The following FIP1L1 variants were observed in gnomAD, a reference collection of about 807,000 sequenced individuals.
FIP1L1 encodes pre-mRNA 3'-end-processing factor FIP1.
In FIP1L1, 21 loss-of-function variants were observed where a neutral mutation model predicts 84.6. The observed-to-expected ratio is 0.25, with a 90% CI of 0.18 to 0.36. The LOEUF is 0.36. Among genes scored for constraint, FIP1L1 ranks in the 10% least tolerant of loss-of-function variants. FIP1L1 has a pLI of 1.00. For synonymous variants in FIP1L1, 263 were observed against 242.3 expected, an observed-to-expected ratio of 1.09 and a Z score of -0.80; for missense variants, 526 against 751.1, an observed-to-expected ratio of 0.70 and a Z score of 3.50.
At chr4:53,428,732 G>C (rs1297996522) in intron 13 of FIP1L1, among the ~76,000 whole-genome samples, 2 of 152,194 alleles carry the variant, frequency 1.3e-5, no homozygotes, top group African/African-American at 4.8e-5. Flanking sequence ...AGTGGTGATA[G>C]AGAAGAAACT....
At chr4:53,449,480 T>C (rs756301061) in intron 15 of FIP1L1, among the ~76,000 whole-genome samples, 1 of 152,170 alleles carries the variant, frequency 6.6e-6, no homozygotes, top group African/African-American at 2.4e-5. Flanking sequence ...TGCCCATGAT[T>C]GATTATCTTT....
chr4:53,392,372 GT>G (rs1396602570), intron 9 of FIP1L1, among the ~76,000 whole-genome samples: 1 of 152,110 alleles, frequency 6.6e-6, no homozygotes, highest in Non-Finnish European at 1.5e-5. Context: ...TGCAGTGTGT[GT>G]GCTATGTCTG....
At chr4:53,418,923 G>T (rs1163385919) in intron 11 of FIP1L1, among the ~76,000 whole-genome samples, 2 of 152,174 alleles carry the variant, frequency 1.3e-5, no homozygotes, top group Non-Finnish European at 2.9e-5. Context: ...GTACTGAAAA[G>T]ATGTGCCCAT....
At chr4:53,442,776 A>G in intron 14 of FIP1L1, 69 bp downstream of exon 14, 1 of 816,124 alleles carries the variant, frequency 1.2e-6, no homozygotes, top group Non-Finnish European at 2.0e-6. Flanking sequence ...ATACTTGGAA[A>G]TATTTTCAGA....
chr4:53,426,102 C>A lies in FIP1L1; in HGVS notation c.1017+137C>A, dbSNP rs372595016. The A allele has an allele frequency of 6.8e-5, 33 of 484,068 alleles. 1 individual carries two copies. The East Asian group carries it at 8.5e-4, about 12-fold the overall frequency. The allele number at this position is 484,068 out of a possible 1,614,324, so 30.0% of individuals were successfully genotyped here. A position where few individuals can be genotyped will look rare whatever the true frequency, so the allele number is the denominator to read the frequency against. On this transcript the variant is annotated intron_variant, in intron 12 of 17. Coordinates refer to ENST00000337488, the MANE Select transcript of FIP1L1 (RefSeq NM_030917.4). ...AAGAGATTTAAAATGTGAAGCCAGT[C>A]ATTTATTATAAAGGCATTTCCAGTT...
intron 11 of FIP1L1, among the ~76,000 whole-genome samples, chr4:53,420,197 C>CAAAAAAAA (rs1166566869): frequency 5.7e-5 from 1 of 17,546 alleles, no homozygotes; most frequent in African/African-American, 3.3e-4. Flanking sequence ...GACTCCGTCT[C>CAAAAAAAA]AAAAAAAAAA....
intron 10 of FIP1L1, among the ~76,000 whole-genome samples, chr4:53,406,151 T>A (rs1482066752): frequency 6.6e-6 from 1 of 152,240 alleles, no homozygotes; most frequent in Non-Finnish European, 1.5e-5. Flanking sequence ...GGGTTTGTTA[T>A]AGATAGCTCT....
At position 53,383,798 on chromosome 4, in the gene FIP1L1, G is replaced by T; in HGVS notation, c.254G>T (p.Ser85Ile). ...KPKVTETEDDSDSDSDDDEDD... is the reference protein window; with the variant it reads ...KPKVTETEDDIDSDSDDDEDD... ...AAAGTGACTGAGACCGAAGATGATAGTGATAGTGACAGCGATGATGATGAA... is the reference window on the plus strand; with the variant it reads ...AAAGTGACTGAGACCGAAGATGATATTGATAGTGACAGCGATGATGATGAA... Residue 85 changes from serine to isoleucine, a missense_variant, in exon 5 of 18, where the codon AGT (serine) becomes ATT (isoleucine). Coordinates refer to ENST00000337488, the MANE Select transcript of FIP1L1 (RefSeq NM_030917.4). 4.3e-6 allele frequency: 7 copies of T among 1,611,136 alleles called. No homozygotes were observed. Among genetic ancestry groups the T allele is most frequent in the Non-Finnish European group, 5.9e-6 (7 of 1,177,500 alleles).
intron 15 of FIP1L1, among the ~76,000 whole-genome samples, chr4:53,446,329 G>A (rs1774192450): frequency 6.6e-6 from 1 of 151,996 alleles, no homozygotes; most frequent in Admixed American, 6.6e-5. Flanking sequence ...TTTTAATGTG[G>A]AGTTCATTGA....
intron 15 of FIP1L1, among the ~76,000 whole-genome samples, chr4:53,445,263 A>T (rs1312067565): frequency 6.6e-6 from 1 of 152,090 alleles, no homozygotes; most frequent in Non-Finnish European, 1.5e-5. Context: ...GCTAGTTACG[A>T]TGAGGAAGTT....
intron 15 of FIP1L1, among the ~76,000 whole-genome samples, chr4:53,451,745 A>T (rs1716116705): frequency 6.6e-6 from 1 of 151,880 alleles, no homozygotes; most frequent in South Asian, 2.1e-4. Context: ...TTCTTTTTTA[A>T]AAAAAACTCT....
chr4:53,389,779 T>C, intron 5 of FIP1L1, 30 bp from the exon 6 acceptor site: 1 of 1,564,374 alleles, frequency 6.4e-7, no homozygotes, highest in Non-Finnish European at 8.7e-7. Context: ...TCAGGATAAT[T>C]TCTGTTTTTT....
Position 53,407,037 on chromosome 4 carries a change from C to G in FIP1L1, c.815+7198C>G, listed in dbSNP as rs900089846. On this transcript the variant is annotated intron_variant, in intron 10 of 17. Transcript: ENST00000337488. ...AGTTCTGCTCTGATCTTAGTTATTT[C>G]TTGCCTTCTGCTAGTTTTTGAATGT... 2.6e-5 allele frequency among the ~76,000 whole-genome samples: 4 copies of G among 152,106 alleles called. No individual in the cohort carries two copies. In the East Asian group the frequency reaches 7.7e-4, roughly 29 times the overall value.
intron 17 of FIP1L1, among the ~76,000 whole-genome samples, 158 bp downstream of exon 17, chr4:53,458,948 G>A (rs993187654): frequency 1.3e-5 from 2 of 152,014 alleles, no homozygotes; most frequent in African/African-American, 4.8e-5. Flanking sequence ...TTTTAAAAAA[G>A]CATTAAACAA....
intron 3 of FIP1L1, among the ~76,000 whole-genome samples, chr4:53,381,753 CTTTTT>C (rs531488760): frequency 1.7e-4 from 15 of 87,940 alleles, no homozygotes; most frequent in African/African-American, 5.0e-4. Flanking sequence ...CATTTGCATT[CTTTTT>C]TTTTTTTTTT....
rs556708903 is a variant in FIP1L1, at chr4:53,392,969, G to A, written c.705+1471G>A. 8.5e-5 allele frequency among the ~76,000 whole-genome samples: 13 copies of A among 152,276 alleles called. No homozygotes were observed. In the South Asian group the frequency reaches 2.7e-3, roughly 32 times the overall value. Reference sequence around the variant, plus strand: ...TATGTTTGGTAGAAATACTGATTTGGGAATAGGGTGTGTATTAAGAATATG... The same window carrying A: ...TATGTTTGGTAGAAATACTGATTTGAGAATAGGGTGTGTATTAAGAATATG... On this transcript the variant is annotated intron_variant, in intron 9 of 17. Coordinates refer to ENST00000337488, the MANE Select transcript of FIP1L1 (RefSeq NM_030917.4).
Position 53,460,739 on chromosome 4 carries a change from A to T in FIP1L1, c.*1290A>T. ...AAACTAGTAGTTTTAATTTTTTTGG[A>T]ATCATATTTTCTGAGGTGTAACTGG... On this transcript the variant is annotated 3_prime_UTR_variant, in exon 18 of 18. Transcript: ENST00000337488. The T allele has an allele frequency of 1.6e-6, 1 of 629,824 alleles. No individual in the cohort carries two copies. The highest frequency in any genetic ancestry group is 2.6e-6 in the Non-Finnish European group (1 of 382,800). 39.0% of individuals were successfully genotyped at this position (629,824 alleles called of 1,614,324 possible). A position where few individuals can be genotyped will look rare whatever the true frequency, so the allele number is the denominator to read the frequency against.
chr4:53,413,125 A>G (rs6848887), intron 10 of FIP1L1, among the ~76,000 whole-genome samples: 85,715 of 151,728 alleles, frequency 0.56, 25,765 homozygotes, highest in Non-Finnish European at 0.67. Context: ...TTCCTCTTCA[A>G]ACTTGCTCTG....
At chr4:53,430,662 C>G (rs1224674025) in intron 13 of FIP1L1, among the ~76,000 whole-genome samples, 1 of 152,034 alleles carries the variant, frequency 6.6e-6, no homozygotes, top group Non-Finnish European at 1.5e-5. Context: ...AACCTTTGTT[C>G]ATAAGTATAA....
Sources: gnomAD v4.1 joint callset for allele counts (sites outside exome capture counted in the v4.1 genomes callset) on GRCh38, gnomAD v4.1.1 for gene constraint, MANE v1.5 for transcripts, NCBI Gene and HGNC (gene_info 2026-07-23, HGNC 2026-07-21) for gene names.